Variants in PTGS2 observed in about 807,000 individuals in gnomAD.
PTGS2 encodes the protein prostaglandin-endoperoxide synthase 2, also known as prostaglandin G/H synthase 2.
In PTGS2, 14 loss-of-function variants were observed where a neutral mutation model predicts 63.8. That is an observed-to-expected ratio of 0.22 (90% confidence interval 0.14 to 0.34). PTGS2 has a LOEUF of 0.34. Among genes scored for constraint, PTGS2 ranks in the 10% least tolerant of loss-of-function variants. The pLI is 1.00. For missense variants in PTGS2, 533 were observed against 738.5 expected, an observed-to-expected ratio of 0.72 and a Z score of 3.23; for synonymous variants, 271 against 259.5, an observed-to-expected ratio of 1.04 and a Z score of -0.43.
At chr1:186,677,982 C>T (rs4648269) in intron 4 of PTGS2, 152 bp from the exon 5 acceptor site, 1 of 716,824 alleles carries the variant, frequency 1.4e-6, no homozygotes, top group Non-Finnish European at 2.2e-6. Flanking sequence ...TATGGTGGAA[C>T]AACTTCTTAC....
chr1:186,678,805 G>A (rs1665825774), intron 3 of PTGS2, among the ~76,000 whole-genome samples: 1 of 152,034 alleles, frequency 6.6e-6, no homozygotes, highest in Admixed American at 6.6e-5. Flanking sequence ...ATAAACAGCT[G>A]GACCATGCTA....
chr1:186,675,134 G>A (rs927977748), intron 9 of PTGS2, 115 bp downstream of exon 9: 2 of 1,343,958 alleles, frequency 1.5e-6, no homozygotes, highest in East Asian at 2.4e-5. Context: ...CCGAGATGGC[G>A]CCACTGCACT....
rs191294326 is a variant in PTGS2, at chr1:186,677,614, A to G, written c.639+35T>C. On this transcript the variant is annotated intron_variant, in intron 5 of 9. Coordinates refer to ENST00000367468, the MANE Select transcript of PTGS2 (RefSeq NM_000963.4). ...TAGCCCTTGACTATGATTTGGTATA[A>G]TTTTACTAACTCTAAGATATTAACT... is the stretch of plus-strand genomic sequence containing the variant. The G allele has an allele frequency of 1.3e-4, 203 of 1,526,118 alleles. No individual in the cohort carries two copies. The African/African-American group carries it at 2.5e-3, about 19-fold the overall frequency. 94.5% of individuals were successfully genotyped at this position (1,526,118 alleles called of 1,614,324 possible).
Position 186,674,732 on chromosome 1 carries a change from G to A in PTGS2, c.1436C>T (p.Ala479Val), listed in dbSNP as rs754811569. 1.9e-6 allele frequency: 3 copies of A among 1,613,102 alleles called. No individual in the cohort carries two copies. Among genetic ancestry groups the A allele is most frequent in the South Asian group, 2.2e-5 (2 of 90,940 alleles). ...GEKEMSAELE[A>V]LYGDIDAVEL... ...CACAGCATCGATGTCACCATAGAGT[G>A]CTTCCAACTCTGCAGACATTTCCTT... Residue 479 changes from alanine (A) to valine (V), a missense_variant, in exon 10 of 10, where the codon GCA becomes GTA. Coordinates refer to ENST00000367468, the MANE Select transcript of PTGS2 (RefSeq NM_000963.4).
Position 186,676,387 on chromosome 1 carries a change from A to G in PTGS2, c.970+80T>C, listed in dbSNP as rs979584213. The stretch of plus-strand genomic sequence containing the variant: ...GAGTTTTCATTTACCACATCTTGTC[A>G]TTTACTCAAAACATAACAAAGATAG... On this transcript the variant is annotated intron_variant, in intron 7 of 9. Transcript: ENST00000367468. The G allele has an allele frequency of 1.9e-6, 3 of 1,540,578 alleles. No individual in the cohort carries two copies. The African/African-American group carries it at 4.1e-5, about 21-fold the overall frequency.
chr1:186,679,569 A>G (rs1434846485), intron 1 of PTGS2, 131 bp from the exon 2 acceptor site: 3 of 699,746 alleles, frequency 4.3e-6, no homozygotes, highest in South Asian at 1.9e-5. Flanking sequence ...TGGAAATACA[A>G]TTTTTTAACC....
chr1:186,672,719 GA>G lies in PTGS2; in HGVS notation c.*1633del, dbSNP rs1665710814. 1 of 152,468 alleles carries G rather than the reference GA, an allele frequency of 6.6e-6. No individual in the cohort carries two copies. Among genetic ancestry groups the G allele is most frequent in the Non-Finnish European group, 1.5e-5 (1 of 67,948 alleles). The allele number at this position is 152,468 out of a possible 1,614,324, so 9.4% of individuals were successfully genotyped here. A position where few individuals can be genotyped will look rare whatever the true frequency, so the allele number is the denominator to read the frequency against. ...ATCATTTGGTTTTGTTTTTAAATAA[GA>G]AAGGGCATTAATTAGAATGGGAACG... On this transcript the variant is annotated 3_prime_UTR_variant, in exon 10 of 10. Coordinates refer to ENST00000367468, the MANE Select transcript of PTGS2 (RefSeq NM_000963.4).
intron 7 of PTGS2, 28 bp downstream of exon 7, chr1:186,676,439 G>T: frequency 6.2e-7 from 1 of 1,608,154 alleles, no homozygotes; most frequent in East Asian, 2.2e-5. Flanking sequence ...GGGGAAGAGG[G>T]TTTTATATAA....
Position 186,679,353 on chromosome 1 carries a change from C to A in PTGS2, c.138G>T (p.Arg46=), listed in dbSNP as rs749451828. Residue 46 remains arginine, a synonymous_variant, in exon 2 of 10, where the codon CGG becomes CGT. Transcript: ENST00000367468. ...GFDQYKCDCT[R]TGFYGENCST... Reference sequence around the variant, plus strand: ...AGCAGTTTTCTCCATAGAATCCTGTCCGGGTACAATCGCACTTATACTGGT... The same window carrying A: ...AGCAGTTTTCTCCATAGAATCCTGTACGGGTACAATCGCACTTATACTGGT... The A allele has an allele frequency of 3.7e-6, 6 of 1,614,138 alleles. No homozygotes were observed. In the South Asian group the frequency reaches 5.5e-5, roughly 15 times the overall value.
At position 186,675,831 on chromosome 1, in the gene PTGS2, T is replaced by C. The variant is rs986647627; in HGVS notation, c.1257+67A>G. Reference sequence around the variant, plus strand: ...CTTTTAGTAAGTTTAAGAAAAATAATTTCCGTGGCAGAAATTCTAAAGTTA... The same window carrying C: ...CTTTTAGTAAGTTTAAGAAAAATAACTTCCGTGGCAGAAATTCTAAAGTTA... On this transcript the variant is annotated intron_variant, in intron 8 of 9. Coordinates refer to ENST00000367468, the MANE Select transcript of PTGS2 (RefSeq NM_000963.4). 7.7e-6 allele frequency: 11 copies of C among 1,436,222 alleles called. No individual in the cohort carries two copies. In the African/African-American group the frequency reaches 1.4e-4, roughly 19 times the overall value. 89.0% of individuals were successfully genotyped at this position (1,436,222 alleles called of 1,614,324 possible).
At chr1:186,679,481 A>G (rs768105065) in intron 1 of PTGS2, 43 bp from the exon 2 acceptor site, 1 of 1,380,648 alleles carries the variant, frequency 7.2e-7, no homozygotes. Flanking sequence ...CTAGTGTCTT[A>G]ATCTTAATTT....
Position 186,672,962 on chromosome 1 carries a change from A to G in PTGS2, c.*1391T>C, listed in dbSNP as rs1165426272. On this transcript the variant is annotated 3_prime_UTR_variant, in exon 10 of 10. Coordinates refer to ENST00000367468, the MANE Select transcript of PTGS2 (RefSeq NM_000963.4). ...GTCCTGAGCTGAGGTTTACCTGAAAACTTGCAAAAGTTCAGGTAAGAAAAT... is the reference window on the plus strand; with the variant it reads ...GTCCTGAGCTGAGGTTTACCTGAAAGCTTGCAAAAGTTCAGGTAAGAAAAT... The G allele has an allele frequency of 1.3e-5, 2 of 152,112 alleles. No homozygotes were observed. The highest frequency in any genetic ancestry group is 2.4e-5 in the African/African-American group (1 of 41,432). The allele number at this position is 152,112 out of a possible 1,614,324, so 9.4% of individuals were successfully genotyped here.
Position 186,673,520 on chromosome 1 carries a change from A to T in PTGS2, c.*833T>A, listed in dbSNP as rs975986038. ...TATAAACAAATTCTGGAATATCTCA[A>T]CAAAATATTCTTATTTTAAGATAAC... On this transcript the variant is annotated 3_prime_UTR_variant, in exon 10 of 10. Transcript: ENST00000367468. 1 of 152,216 alleles carries T rather than the reference A, an allele frequency of 6.6e-6. No homozygotes were observed. The highest frequency in any genetic ancestry group is 1.5e-5 in the Non-Finnish European group (1 of 68,008). The allele number at this position is 152,216 out of a possible 1,614,324, so 9.4% of individuals were successfully genotyped here.
chr1:186,675,609 A>C (rs1222141206), intron 8 of PTGS2: 4 of 640,838 alleles, frequency 6.2e-6, no homozygotes, highest in Non-Finnish European at 1.0e-5. Context: ...TTACATTTCA[A>C]AAATAACACT....
chr1:186,679,000 T>G (rs1665828497), intron 3 of PTGS2, 58 bp downstream of exon 3: 2 of 1,542,172 alleles, frequency 1.3e-6, no homozygotes, highest in Admixed American at 1.9e-5. Flanking sequence ...CTTACAGTAT[T>G]ATAAAGCATA....
Position 186,673,282 on chromosome 1 carries a change from C to T in PTGS2, c.*1071G>A, listed in dbSNP as rs1331559094. On this transcript the variant is annotated 3_prime_UTR_variant, in exon 10 of 10. Transcript: ENST00000367468. Reference sequence around the variant, plus strand: ...TAAATTAAACTGTACAACAGAAAATCTGAGAAAACATATCATTATTCAAGC... The same window carrying T: ...TAAATTAAACTGTACAACAGAAAATTTGAGAAAACATATCATTATTCAAGC... 6.6e-6 allele frequency: 1 copy of T among 152,086 alleles called. No individual in the cohort carries two copies. Among genetic ancestry groups the T allele is most frequent in the African/African-American group, 2.4e-5 (1 of 41,422 alleles). 9.4% of individuals were successfully genotyped at this position (152,086 alleles called of 1,614,324 possible).
rs200312294 is a variant in PTGS2 at position 186,674,365 on chromosome 1, C to T, written c.1803G>A (p.Ser601=). The T allele has an allele frequency of 5.6e-6, 9 of 1,608,324 alleles. No individual in the cohort carries two copies. The highest frequency in any genetic ancestry group is 4.4e-5 in the South Asian group (4 of 90,482). Residue 601 remains serine, a synonymous_variant, in exon 10 of 10, where the codon TCG becomes TCA. Transcript: ENST00000367468. Reference sequence around the variant, plus strand: ...GATCATTAGACTTCTACAGTTCAGTCGAACGTTCTTTTAGTAGTACTGTGG... The same window carrying T: ...GATCATTAGACTTCTACAGTTCAGTTGAACGTTCTTTTAGTAGTACTGTGG... ...INPTVLLKER[S]TEL
In PTGS2 at chr1:186,675,971, T is replaced by A; in HGVS notation, c.1184A>T (p.Tyr395Phe). 6.2e-7 allele frequency: 1 copy of A among 1,614,070 alleles called. No homozygotes were observed. Among genetic ancestry groups the A allele is most frequent in the Non-Finnish European group, 8.5e-7 (1 of 1,179,922 alleles). Residue 395 changes from tyrosine to phenylalanine, a missense_variant, in exon 8 of 10, where the codon TAC (tyrosine) becomes TTC (phenylalanine). By Grantham distance (22) the Tyr-to-Phe change is conservative. Transcript: ENST00000367468. ...ATGTTCCAGCAATATAGAGTTGTTG[T>A]AGATAAACTGTTGATAGTTGTATTT... ...DQKYNYQQFI[Y>F]NNSILLEHGI...
Position 186,674,818 on chromosome 1 carries a change from A to G in PTGS2, c.1406-56T>C, listed in dbSNP as rs4648287. On this transcript the variant is annotated intron_variant, in intron 9 of 9. Transcript: ENST00000367468. ...CAATGTCAAACTTCACAAAATAAAA[A>G]ACAGTTTGATTCTTTTGCTCAATTT... 8.3e-3 allele frequency: 12,463 copies of G among 1,510,052 alleles called. 893 individuals carry two copies. In the African/African-American group the frequency reaches 0.16, roughly 19 times the overall value. The allele number at this position is 1,510,052 out of a possible 1,614,324, so 93.5% of individuals were successfully genotyped here.
Sources: gnomAD v4.1 joint callset for allele counts (sites outside exome capture counted in the v4.1 genomes callset) on GRCh38, gnomAD v4.1.1 for gene constraint, MANE v1.5 for transcripts, NCBI Gene and HGNC (gene_info 2026-07-23, HGNC 2026-07-21) for gene names.